MID1: variants seen among roughly 807,000 people sequenced by gnomAD.
MID1 encodes the protein midline 1.
A neutral mutation model predicts 40.4 loss-of-function variants in MID1; 7 were observed. The observed-to-expected ratio is 0.17, with a 90% CI of 0.10 to 0.33. MID1 has a LOEUF of 0.33. Ranked by LOEUF, MID1 falls within the 10% of genes least tolerant of loss-of-function variation. The probability of loss-of-function intolerance (pLI) is 1.00; values close to 1 mark genes in which losing one functional copy is unlikely to be tolerated. For missense variants in MID1, 367 were observed against 558.5 expected (o/e 0.66, Z 3.46); for synonymous variants, 229 against 221.2 (o/e 1.04, Z -0.31).
In MID1 at chrX:10,613,718, TATATATATATATATAGAGAGAG is replaced by T. The variant is rs1408906614; in HGVS notation, c.-57+6550_-57+6571del. ...AGGAATATATATATATATATATATA[TATATATATATATATAGAGAGAG>T]AGAGAGAGAGAGAGAGAGAGAGAGA... On this transcript the variant is annotated intron_variant, in intron 1 of 9. Coordinates refer to ENST00000317552, the MANE Select transcript of MID1 (RefSeq NM_000381.4). Among the ~76,000 whole-genome samples the T allele has an allele frequency of 2.1e-3, 117 of 55,463 alleles. 2 individuals carry two copies. The highest frequency in any genetic ancestry group is 2.2e-3 in the Non-Finnish European group (71 of 32,734). 48.2% of individuals were successfully genotyped at this position (55,463 alleles called of 115,157 possible). A position where few individuals can be genotyped will look rare whatever the true frequency, so the allele number is the denominator to read the frequency against.
rs1378473204 is a variant in MID1, at chrX:10,447,295, T to C, written c.*2073A>G. ...ATTATTTTCATGGAAATATTGTCCT[T>C]CTACTAAGTGTTTTATGTTAACATC... On this transcript the variant is annotated 3_prime_UTR_variant, in exon 10 of 10. Coordinates refer to ENST00000317552, the MANE Select transcript of MID1 (RefSeq NM_000381.4). The C allele has an allele frequency of 8.9e-6, 1 of 111,917 alleles. No individual in the cohort carries two copies. The highest frequency in any genetic ancestry group is 1.9e-5 in the Non-Finnish European group (1 of 53,224). The allele number at this position is 111,917 out of a possible 1,213,427, so 9.2% of individuals were successfully genotyped here.
intron 1 of MID1, among the ~76,000 whole-genome samples, chrX:10,719,124 T>G (rs1200801704): frequency 9.0e-6 from 1 of 111,527 alleles, no homozygotes; most frequent in Admixed American, 9.5e-5. Context: ...GCATTCCCTC[T>G]GAAAACTGGC....
intron 1 of MID1, among the ~76,000 whole-genome samples, chrX:10,782,159 T>C (rs143422292): frequency 2.1e-3 from 241 of 112,129 alleles, no homozygotes; most frequent in Non-Finnish European, 3.9e-3. Flanking sequence ...GTTAATGACA[T>C]TGCCACCCTG....
intron 1 of MID1, among the ~76,000 whole-genome samples, chrX:10,770,110 A>G (rs907663124): frequency 1.8e-5 from 2 of 111,662 alleles, no homozygotes; most frequent in African/African-American, 6.5e-5. Context: ...CTCAAATGTC[A>G]TCTCTATGGC....
chrX:10,754,696 G>C (rs1484852268), intron 1 of MID1, among the ~76,000 whole-genome samples: 1 of 111,040 alleles, frequency 9.0e-6, no homozygotes, highest in Non-Finnish European at 1.9e-5. Context: ...GGGTGTGTGG[G>C]ACCAGAGGGC....
intron 1 of MID1, among the ~76,000 whole-genome samples, chrX:10,813,515 T>C (rs992646820): frequency 9.0e-6 from 1 of 111,559 alleles, no homozygotes; most frequent in African/African-American, 3.3e-5. Flanking sequence ...AGCTGGCAAA[T>C]ACCCAAGTGA....
At chrX:10,510,830 CAAAAAAAA>C (rs1185825614) in intron 3 of MID1, among the ~76,000 whole-genome samples, 2 of 23,954 alleles carry the variant, frequency 8.3e-5, no homozygotes, top group African/African-American at 3.1e-4. Flanking sequence ...GACTCTGTCT[CAAAAAAAA>C]AAAAAAAAAA....
intron 4 of MID1, among the ~76,000 whole-genome samples, chrX:10,485,080 T>C (rs757652220): frequency 4.4e-5 from 5 of 112,513 alleles, no homozygotes; most frequent in Admixed American, 9.4e-5. Context: ...AAATAAAGCT[T>C]TATTGGCATA....
chrX:10,824,417 A>T lies in MID1; in HGVS notation c.-187+9137T>A, dbSNP rs566046325. On this transcript the variant is annotated intron_variant, in intron 1 of 10. Coordinates refer to the MID1 transcript ENST00000380785. ...ATTGGCAAATGATTTATTGGCAGTA[A>T]CTATATTCATGGACAAGGTGAACTC... is the stretch of plus-strand genomic sequence containing the variant. Among the ~76,000 whole-genome samples, 4 of 112,293 alleles carry T rather than the reference A, an allele frequency of 3.6e-5. No individual in the cohort carries two copies. In the South Asian group the frequency reaches 1.5e-3, roughly 41 times the overall value.
chrX:10,822,121 T>C (rs1013112195), intron 1 of MID1, among the ~76,000 whole-genome samples: 6 of 111,558 alleles, frequency 5.4e-5, no homozygotes, highest in African/African-American at 2.0e-4. Flanking sequence ...CAAAACAGCA[T>C]GGTACTTGTA....
At chrX:10,748,201 G>A (rs895777877) in intron 1 of MID1, among the ~76,000 whole-genome samples, 1 of 111,092 alleles carries the variant, frequency 9.0e-6, no homozygotes, top group African/African-American at 3.3e-5. Context: ...CAACCCTACT[G>A]TTCTCAGGCC....
chrX:10,803,352 CTTT>C (rs757624510), intron 1 of MID1, among the ~76,000 whole-genome samples: 1 of 90,656 alleles, frequency 1.1e-5, no homozygotes. Flanking sequence ...ACTATATTTT[CTTT>C]TTTTTTTTTT....
intron 1 of MID1, among the ~76,000 whole-genome samples, chrX:10,696,169 A>G (rs1428962794): frequency 8.9e-6 from 1 of 111,826 alleles, no homozygotes; most frequent in Non-Finnish European, 1.9e-5. Flanking sequence ...CATGCACACT[A>G]AGAGGAAAAA....
At chrX:10,719,957 C>T (rs1261041638) in intron 1 of MID1, among the ~76,000 whole-genome samples, 2 of 111,763 alleles carry the variant, frequency 1.8e-5, no homozygotes, top group Non-Finnish European at 3.8e-5. Flanking sequence ...AAAGGATTCC[C>T]TATTTAATAA....
intron 1 of MID1, among the ~76,000 whole-genome samples, chrX:10,743,084 G>T (rs2043535013): frequency 8.9e-6 from 1 of 112,725 alleles, no homozygotes; most frequent in Middle Eastern, 4.6e-3. Flanking sequence ...TGACATATTC[G>T]ATTACAGTCA....
rs144887493 is a variant in MID1, at chrX:10,587,457, G to A, written c.-56-19854C>T. ...CAGCCCTCGGGGGCTGACCCGCAGG[G>A]TGCCGGACTTTGGGATATAGCAGAG... is the stretch of plus-strand genomic sequence containing the variant. On this transcript the variant is annotated intron_variant, in intron 1 of 9. Coordinates refer to ENST00000317552, the MANE Select transcript of MID1 (RefSeq NM_000381.4). Among the ~76,000 whole-genome samples, 84 of 112,937 alleles carry A rather than the reference G, an allele frequency of 7.4e-4. No individual in the cohort carries two copies. The East Asian group carries it at 0.023, about 31-fold the overall frequency.
intron 9 of MID1, 82 bp downstream of exon 9, chrX:10,454,788 A>G: frequency 2.4e-6 from 2 of 844,166 alleles, no homozygotes; most frequent in Non-Finnish European, 3.6e-6. Context: ...TTTAAGATGC[A>G]TTACAGTATG....
chrX:10,584,870 G>A (rs368860739), intron 1 of MID1, among the ~76,000 whole-genome samples: 5 of 110,942 alleles, frequency 4.5e-5, no homozygotes, highest in African/African-American at 1.3e-4. Flanking sequence ...TGGGGGCATC[G>A]GCAAGACTCC....
chrX:10,704,114 T>C (rs1308751655), intron 1 of MID1, among the ~76,000 whole-genome samples: 1 of 112,119 alleles, frequency 8.9e-6, no homozygotes, highest in Admixed American at 9.4e-5. Context: ...TAAGTGAATG[T>C]TTTAAAACCA....
Sources: gnomAD v4.1 joint callset for allele counts (sites outside exome capture counted in the v4.1 genomes callset) on GRCh38, gnomAD v4.1.1 for gene constraint, MANE v1.5 for transcripts, NCBI Gene and HGNC (gene_info 2026-07-23, HGNC 2026-07-21) for gene names.